The following ELAPOR2 variants were observed in gnomAD, a reference collection of about 807,000 sequenced individuals.
The protein encoded by ELAPOR2 is endosome/lysosome-associated apoptosis and autophagy regulator family member 2.
ELAPOR2 carries 89 observed loss-of-function variants against 120.7 expected under a neutral mutation model. The ratio of observed to expected loss-of-function variants is 0.74; its 90% CI spans 0.62 to 0.88. The LOEUF is 0.88. Ranked by LOEUF, ELAPOR2 falls within the 40% of genes least tolerant of loss-of-function variation. The pLI is 0.00. For missense variants in ELAPOR2, 1,134 were observed against 1,251.6 expected (o/e 0.91, Z 1.42); for synonymous variants, 444 against 444.9 (o/e 1.00, Z 0.03).
At chr7:86,904,272 A>G (rs2115985992) in intron 18 of ELAPOR2, among the ~76,000 whole-genome samples, 1 of 152,260 alleles carries the variant, frequency 6.6e-6, no homozygotes, top group East Asian at 1.9e-4. Flanking sequence ...TTTTAAAAGA[A>G]CCCTTTGGAC....
rs1799263717 is a variant in ELAPOR2, at chr7:86,878,725, G to A, written c.*1746C>T. 6.6e-6 allele frequency: 1 copy of A among 152,056 alleles called. No individual in the cohort carries two copies. The highest frequency in any genetic ancestry group is 6.6e-5 in the Admixed American group (1 of 15,256). The allele number at this position is 152,056 out of a possible 1,614,324, so 9.4% of individuals were successfully genotyped here. On this transcript the variant is annotated 3_prime_UTR_variant, in exon 22 of 22. Coordinates refer to ENST00000450689, the MANE Select transcript of ELAPOR2 (RefSeq NM_001142749.3). Reference sequence around the variant, plus strand: ...AGACATGCTCATAAGCACTCTGTTGGCAGGATAAAAATGAAGAATGCCAAC... The same window carrying A: ...AGACATGCTCATAAGCACTCTGTTGACAGGATAAAAATGAAGAATGCCAAC...
chr7:86,948,222 C>T (rs1356320698), intron 2 of ELAPOR2, among the ~76,000 whole-genome samples: 1 of 152,200 alleles, frequency 6.6e-6, no homozygotes, highest in East Asian at 1.9e-4. Flanking sequence ...GCCAATCCTA[C>T]CTTCTCTACA....
At chr7:87,002,303 T>C (rs1474332803) in intron 1 of ELAPOR2, among the ~76,000 whole-genome samples, 1 of 152,148 alleles carries the variant, frequency 6.6e-6, no homozygotes, top group Non-Finnish European at 1.5e-5. Flanking sequence ...TCTATGCCCA[T>C]GCACTGGCTC....
intron 2 of ELAPOR2, among the ~76,000 whole-genome samples, chr7:86,960,744 C>A (rs1035869132): frequency 2.0e-5 from 3 of 151,946 alleles, no homozygotes; most frequent in Non-Finnish European, 4.4e-5. Context: ...GTTGAGTTGA[C>A]CCTTTTATCA....
intron 18 of ELAPOR2, 92 bp from the exon 19 acceptor site, chr7:86,897,724 C>T: frequency 7.2e-7 from 1 of 1,394,284 alleles, no homozygotes; most frequent in Non-Finnish European, 9.9e-7. Flanking sequence ...CTATCACATG[C>T]TGGGGAGCAC....
chr7:86,979,012 A>G (rs112752020), intron 1 of ELAPOR2, among the ~76,000 whole-genome samples: 4 of 152,258 alleles, frequency 2.6e-5, no homozygotes, highest in African/African-American at 9.6e-5. Flanking sequence ...GCTTTGCAGA[A>G]TAAGTGTCAG....
At chr7:86,883,836 A>G (rs901565067) in intron 21 of ELAPOR2, among the ~76,000 whole-genome samples, 18 of 152,188 alleles carry the variant, frequency 1.2e-4, no homozygotes, top group African/African-American at 4.1e-4. Context: ...ATGTATATTC[A>G]TTTCTCAAAA....
chr7:87,056,640 T>C (rs987418703), intron 1 of ELAPOR2, among the ~76,000 whole-genome samples: 1 of 152,192 alleles, frequency 6.6e-6, no homozygotes, highest in Admixed American at 6.5e-5. Flanking sequence ...CAAAGGAATA[T>C]GTATTTTATG....
chr7:86,957,380 G>C (rs1177611727), intron 2 of ELAPOR2, among the ~76,000 whole-genome samples: 1 of 152,128 alleles, frequency 6.6e-6, no homozygotes, highest in Non-Finnish European at 1.5e-5. Context: ...TCTCTAATTT[G>C]GTGGCACAAA....
intron 1 of ELAPOR2, among the ~76,000 whole-genome samples, chr7:87,044,268 T>C (rs1458577177): frequency 1.3e-5 from 1 of 76,696 alleles, no homozygotes; most frequent in Non-Finnish European, 2.5e-5. Context: ...TTAAAGTTCA[T>C]ATGGAACCAA....
intron 1 of ELAPOR2, among the ~76,000 whole-genome samples, chr7:87,051,243 G>T (rs1459113324): frequency 1.4e-5 from 2 of 147,000 alleles, no homozygotes; most frequent in Non-Finnish European, 3.0e-5. Flanking sequence ...AACTGAGAGA[G>T]ATTACAATGG....
intron 2 of ELAPOR2, among the ~76,000 whole-genome samples, chr7:86,953,211 A>T (rs1791339438): frequency 6.6e-6 from 1 of 152,320 alleles, no homozygotes; most frequent in African/African-American, 2.4e-5. Context: ...TATGCAGTCA[A>T]ATTAGTTGAA....
At position 86,880,485 on chromosome 7, in the gene ELAPOR2, A is replaced by T. The variant is rs569558020; in HGVS notation, c.3076T>A (p.Ser1026Thr). 1.2e-6 allele frequency: 2 copies of T among 1,610,164 alleles called. No homozygotes were observed. Among genetic ancestry groups the T allele is most frequent in the African/African-American group, 2.7e-5 (2 of 74,878 alleles). ...GCACTGTCTCTTCATATATTTGGGG[A>T]TCTTGAGGTTTTCAGTTGAACAGAT... is the stretch of plus-strand genomic sequence containing the variant. The part of the protein sequence containing the change: ...FESVQLKTSR[S>T]PNI The change falls in exon 22 of 22, where the codon TCC becomes ACC. Residue 1026 changes from serine (S) to threonine (T), a missense_variant. Transcript: ENST00000450689.
rs759319514 is a variant in ELAPOR2, at chr7:86,919,205, A to G, written c.1490+15T>C. On this transcript the variant is annotated intron_variant, in intron 11 of 21. Coordinates refer to ENST00000450689, the MANE Select transcript of ELAPOR2 (RefSeq NM_001142749.3). ...AAGGATTCTTACAGAAAAGAATTAGAATTGTTTTCCTTACTTAAATCCTGG... is the reference window on the plus strand; with the variant it reads ...AAGGATTCTTACAGAAAAGAATTAGGATTGTTTTCCTTACTTAAATCCTGG... 2 of 1,578,288 alleles carry G rather than the reference A, an allele frequency of 1.3e-6. No individual in the cohort carries two copies. Among genetic ancestry groups the G allele is most frequent in the Non-Finnish European group, 1.7e-6 (2 of 1,148,890 alleles).
At chr7:87,007,556 G>A (rs1219798708) in intron 1 of ELAPOR2, among the ~76,000 whole-genome samples, 1 of 152,074 alleles carries the variant, frequency 6.6e-6, no homozygotes, top group African/African-American at 2.4e-5. Context: ...GAAGATCTAG[G>A]GGAAAAAAGA....
At chr7:87,036,302 TGTCTATACAA>T (rs761661887) in intron 1 of ELAPOR2, among the ~76,000 whole-genome samples, 99 of 152,214 alleles carry the variant, frequency 6.5e-4, no homozygotes, top group South Asian at 5.2e-3. Context: ...GGTGAAACCC[TGTCTATACAA>T]AATAATAATA....
At chr7:86,936,474 A>G (rs954446284) in intron 8 of ELAPOR2, among the ~76,000 whole-genome samples, 1 of 152,116 alleles carries the variant, frequency 6.6e-6, no homozygotes, top group East Asian at 1.9e-4. Flanking sequence ...TTCATTACAT[A>G]TATTATTTCA....
Position 86,947,869 on chromosome 7 carries a change from T to G in ELAPOR2, c.364A>C (p.Lys122Gln). Residue 122 changes from lysine (K) to glutamine (Q), a missense_variant, in exon 3 of 22, where the codon AAG (lysine) becomes CAG (glutamine). Physicochemically the swap from Lys to Gln is moderately conservative, Grantham distance 53. Coordinates refer to ENST00000450689, the MANE Select transcript of ELAPOR2 (RefSeq NM_001142749.3). ...YLEMKNQVCS[K>Q]CGEGTYSLGS... ...AAGGAATAGGTGCCTTCACCACACT[T>G]ACTGCATACCTGGTTCTTCATTTCT... The G allele has an allele frequency of 6.4e-7, 1 of 1,552,236 alleles. No homozygotes were observed. The highest frequency in any genetic ancestry group is 2.0e-5 in the Admixed American group (1 of 51,008).
chr7:87,056,439 C>T (rs1172421898), intron 1 of ELAPOR2, among the ~76,000 whole-genome samples: 12 of 152,188 alleles, frequency 7.9e-5, no homozygotes, highest in Admixed American at 7.2e-4. Context: ...CCTTTGAATA[C>T]CATTTTCCAA....
Sources: allele counts gnomAD v4.1 joint callset (sites outside exome capture counted in the v4.1 genomes callset), GRCh38; gene constraint gnomAD v4.1.1; transcripts MANE v1.5; gene names NCBI Gene and HGNC (gene_info 2026-07-23, HGNC 2026-07-21).